FZD5: variants seen among roughly 807,000 people sequenced by gnomAD.
FZD5 encodes the protein frizzled-5.
In FZD5, 12 loss-of-function variants were observed where a neutral mutation model predicts 40.8. The observed-to-expected ratio is 0.29, with a 90% confidence interval of 0.19 to 0.48. The LOEUF (loss-of-function observed/expected upper bound fraction) is 0.48, where lower values mean the gene tolerates loss of function less well. Ranked by LOEUF, FZD5 falls within the 20% of genes least tolerant of loss-of-function variation. FZD5 has a pLI of 0.99. For synonymous variants in FZD5, 380 were observed against 383.7 expected (o/e 0.99, Z 0.11); for missense variants, 622 against 832.8 (o/e 0.75, Z 3.12).
rs770101168 is a variant in FZD5 at position 207,766,951 on chromosome 2, C to T, written c.*31G>A. The T allele has an allele frequency of 2.1e-6, 3 of 1,431,518 alleles. No homozygotes were observed. In the African/African-American group the frequency reaches 4.5e-5, roughly 21 times the overall value. 88.7% of individuals were successfully genotyped at this position (1,431,518 alleles called of 1,614,324 possible). A position where few individuals can be genotyped will look rare whatever the true frequency, so the allele number is the denominator to read the frequency against. On this transcript the variant is annotated 3_prime_UTR_variant, in exon 2 of 2. Coordinates refer to ENST00000295417, the MANE Select transcript of FZD5 (RefSeq NM_003468.4). Reference sequence around the variant, plus strand: ...AAACAAAACGCCCCCCTCCCCTCAGCTCTCCGGCCGAGTCCCTCGGCGGCA... The same window carrying T: ...AAACAAAACGCCCCCCTCCCCTCAGTTCTCCGGCCGAGTCCCTCGGCGGCA...
rs1031466169 is a variant in FZD5 at position 207,763,881 on chromosome 2, C to T, written c.*3101G>A. 2.0e-5 allele frequency: 3 copies of T among 152,636 alleles called. No individual in the cohort carries two copies. The highest frequency in any genetic ancestry group is 7.2e-5 in the African/African-American group (3 of 41,446). 9.5% of individuals were successfully genotyped at this position (152,636 alleles called of 1,614,324 possible). A position where few individuals can be genotyped will look rare whatever the true frequency, so the allele number is the denominator to read the frequency against. ...CAGTGCTGTCGGCACGTTATTTAAG[C>T]TTGTACATGCCCACAATTACACACA... On this transcript the variant is annotated 3_prime_UTR_variant, in exon 2 of 2. Coordinates refer to ENST00000295417, the MANE Select transcript of FZD5 (RefSeq NM_003468.4).
At chr2:207,769,073 T>G in intron 1 of FZD5, 79 bp from the exon 2 acceptor site, 7 of 336,256 alleles carry the variant, frequency 2.1e-5, no homozygotes, top group East Asian at 6.0e-5. Flanking sequence ...CCCCGCGAGC[T>G]GTCTCCAAAT....
rs2091963830 is a variant in FZD5, at chr2:207,763,276, C to T, written c.*3706G>A. 6.6e-6 allele frequency: 1 copy of T among 152,556 alleles called. No individual in the cohort carries two copies. Among genetic ancestry groups the T allele is most frequent in the Non-Finnish European group, 1.5e-5 (1 of 68,024 alleles). 9.5% of individuals were successfully genotyped at this position (152,556 alleles called of 1,614,324 possible). Reference sequence around the variant, plus strand: ...AGTCATACTGTCTTAAAATGATGCACTCACAGACAGACACTATCCTGGCTG... The same window carrying T: ...AGTCATACTGTCTTAAAATGATGCATTCACAGACAGACACTATCCTGGCTG... On this transcript the variant is annotated 3_prime_UTR_variant, in exon 2 of 2. Coordinates refer to ENST00000295417, the MANE Select transcript of FZD5 (RefSeq NM_003468.4).
rs1315452523 is a variant in FZD5 at position 207,764,508 on chromosome 2, CAAAG to C, written c.*2470_*2473del. 6.6e-6 allele frequency: 1 copy of C among 152,138 alleles called. No individual in the cohort carries two copies. Among genetic ancestry groups the C allele is most frequent in the African/African-American group, 2.4e-5 (1 of 41,410 alleles). The allele number at this position is 152,138 out of a possible 1,614,324, so 9.4% of individuals were successfully genotyped here. A position where few individuals can be genotyped will look rare whatever the true frequency, so the allele number is the denominator to read the frequency against. ...GGGACAGCAGAGGTGAGAACAGAGA[CAAAG>C]AAGTGCTTCTGAAAGTTGGTCTGGA... On this transcript the variant is annotated 3_prime_UTR_variant, in exon 2 of 2. Transcript: ENST00000295417.
In FZD5 at chr2:207,767,669, C is replaced by T; in HGVS notation, c.1071G>A (p.Ala357=). Residue 357 remains alanine (A), a synonymous_variant, in exon 2 of 2, where the codon GCG becomes GCA. Coordinates refer to ENST00000295417, the MANE Select transcript of FZD5 (RefSeq NM_003468.4). ...KWGNEAIAGY[A]QYFHLAAWLI... is the part of the protein sequence containing the mutation. ...GCCACGCAGCCAGGTGGAAGTACTG[C>T]GCGTAGCCCGCGATGGCCTCGTTGC... The T allele has an allele frequency of 6.2e-7, 1 of 1,613,310 alleles. No homozygotes were observed. Among genetic ancestry groups the T allele is most frequent in the Non-Finnish European group, 8.5e-7 (1 of 1,179,676 alleles).
At position 207,769,669 on chromosome 2, in the gene FZD5, G is replaced by T. The variant is rs2092001551; in HGVS notation, c.-660C>A. 1 of 152,052 alleles carries T rather than the reference G, an allele frequency of 6.6e-6. No homozygotes were observed. The highest frequency in any genetic ancestry group is 2.4e-5 in the African/African-American group (1 of 41,412). 9.4% of individuals were successfully genotyped at this position (152,052 alleles called of 1,614,324 possible). On this transcript the variant is annotated 5_prime_UTR_variant, in exon 1 of 2. Coordinates refer to ENST00000295417, the MANE Select transcript of FZD5 (RefSeq NM_003468.4). ...ACAGCACCGCGAGCAGCCGGCGCTG[G>T]CCAGGCCGGGACTGCATGGTGAGCG...
rs995450797 is a variant in FZD5 at position 207,766,072 on chromosome 2, A to T, written c.*910T>A. The T allele has an allele frequency of 1.8e-4, 15 of 85,014 alleles. No individual in the cohort carries two copies. Among genetic ancestry groups the T allele is most frequent in the East Asian group, 1.4e-3 (4 of 2,856 alleles). The allele number at this position is 85,014 out of a possible 1,614,324, so 5.3% of individuals were successfully genotyped here. ...ACCAAAATTATAACACAAGTTCCTTAAAAAAAAAAAAAAAAAAAAAAAAAG... is the reference window on the plus strand; with the variant it reads ...ACCAAAATTATAACACAAGTTCCTTTAAAAAAAAAAAAAAAAAAAAAAAAG... On this transcript the variant is annotated 3_prime_UTR_variant, in exon 2 of 2. Transcript: ENST00000295417.
chr2:207,767,636 G>A lies in FZD5; in HGVS notation c.1104C>T (p.Pro368=). 6.2e-7 allele frequency: 1 copy of A among 1,613,142 alleles called. No homozygotes were observed. Among genetic ancestry groups the A allele is most frequent in the Non-Finnish European group, 8.5e-7 (1 of 1,179,716 alleles). The change falls in exon 2 of 2, where the codon CCC becomes CCT. Residue 368 remains proline (P), a synonymous_variant. Coordinates refer to ENST00000295417, the MANE Select transcript of FZD5 (RefSeq NM_003468.4). ...QYFHLAAWLI[P]SVKSITALAL... is the part of the protein sequence containing the mutation. ...CCAGTGCCGTGATGGACTTGACGCTGGGGATGAGCCACGCAGCCAGGTGGA... is the reference window on the plus strand; with the variant it reads ...CCAGTGCCGTGATGGACTTGACGCTAGGGATGAGCCACGCAGCCAGGTGGA...
chr2:207,766,444 C>T lies in FZD5; in HGVS notation c.*538G>A, dbSNP rs1406056656. The T allele has an allele frequency of 1.3e-5, 2 of 152,694 alleles. No individual in the cohort carries two copies. The highest frequency in any genetic ancestry group is 1.9e-4 in the East Asian group (1 of 5,202). 9.5% of individuals were successfully genotyped at this position (152,694 alleles called of 1,614,324 possible). ...AGGTATGACCTGGGGCTATAAACTG[C>T]AGCTCACCTTAAAGAATCATGGACA... On this transcript the variant is annotated 3_prime_UTR_variant, in exon 2 of 2. Coordinates refer to ENST00000295417, the MANE Select transcript of FZD5 (RefSeq NM_003468.4).
chr2:207,762,803 A>T lies in FZD5; in HGVS notation c.*4179T>A, dbSNP rs139174009. On this transcript the variant is annotated 3_prime_UTR_variant, in exon 2 of 2. Transcript: ENST00000295417. ...AGGTCAACAAATTAAGTATCTTGAGACTAACATAACCACATACAACTGCTG... is the reference window on the plus strand; with the variant it reads ...AGGTCAACAAATTAAGTATCTTGAGTCTAACATAACCACATACAACTGCTG... 1 of 152,762 alleles carries T rather than the reference A, an allele frequency of 6.5e-6. No individual in the cohort carries two copies. Among genetic ancestry groups the T allele is most frequent in the Non-Finnish European group, 1.5e-5 (1 of 68,032 alleles). 9.5% of individuals were successfully genotyped at this position (152,762 alleles called of 1,614,324 possible).
chr2:207,767,427 G>C lies in FZD5; in HGVS notation c.1313C>G (p.Thr438Ser), dbSNP rs1421855578. 2 of 1,612,672 alleles carry C rather than the reference G, an allele frequency of 1.2e-6. No individual in the cohort carries two copies. The highest frequency in any genetic ancestry group is 1.1e-5 in the South Asian group (1 of 91,090). Residue 438 changes from threonine (T) to serine (S), a missense_variant, in exon 2 of 2, where the codon ACC (threonine) becomes AGC (serine). By Grantham distance (58) the Thr-to-Ser change is moderately conservative (BLOSUM62 1). Coordinates refer to ENST00000295417, the MANE Select transcript of FZD5 (RefSeq NM_003468.4). Reference sequence around the variant, plus strand: ...GAGCTTCTCCAGCTTGTCCGTCTTGGTGCCGCCCTGCTTGATGACGCTGCG... The same window carrying C: ...GAGCTTCTCCAGCTTGTCCGTCTTGCTGCCGCCCTGCTTGATGACGCTGCG... ...RIRSVIKQGG[T>S]KTDKLEKLMI...
chr2:207,767,813 G>A lies in FZD5; in HGVS notation c.927C>T (p.Thr309=), dbSNP rs1275983138. 3 of 1,610,184 alleles carry A rather than the reference G, an allele frequency of 1.9e-6. No homozygotes were observed. The highest frequency in any genetic ancestry group is 1.3e-5 in the African/African-American group (1 of 74,944). ...SREHNHIHYE[T]TGPALCTIVF... is the part of the protein sequence containing the mutation. ...CGATGGTGCACAGTGCAGGGCCCGT[G>A]GTCTCGTAGTGGATGTGGTTGTGCT... Residue 309 remains threonine (T), a synonymous_variant, in exon 2 of 2, where the codon ACC becomes ACT. Transcript: ENST00000295417.
In FZD5 at chr2:207,768,866, T is replaced by A; in HGVS notation, c.-127A>T. The stretch of plus-strand genomic sequence containing the variant: ...GGGGCTGGCAACCTGTTGGTTGCTT[T>A]TTCCTTTAAAGAAAACCGTCCAAAG... On this transcript the variant is annotated 5_prime_UTR_variant, in exon 2 of 2. Coordinates refer to ENST00000295417, the MANE Select transcript of FZD5 (RefSeq NM_003468.4). 1.3e-6 allele frequency: 1 copy of A among 763,988 alleles called. No homozygotes were observed. Among genetic ancestry groups the A allele is most frequent in the Non-Finnish European group, 2.1e-6 (1 of 477,904 alleles). The allele number at this position is 763,988 out of a possible 1,614,324, so 47.3% of individuals were successfully genotyped here. A position where few individuals can be genotyped will look rare whatever the true frequency, so the allele number is the denominator to read the frequency against.
At position 207,766,961 on chromosome 2, in the gene FZD5, G is replaced by C. The variant is rs989209733; in HGVS notation, c.*21C>G. ...CCCCCCTCCCCTCAGCTCTCCGGCC[G>C]AGTCCCTCGGCGGCAGCCTCCTACA... is the stretch of plus-strand genomic sequence containing the variant. On this transcript the variant is annotated 3_prime_UTR_variant, in exon 2 of 2. Coordinates refer to ENST00000295417, the MANE Select transcript of FZD5 (RefSeq NM_003468.4). 2.8e-6 allele frequency: 4 copies of C among 1,440,602 alleles called. No homozygotes were observed. The African/African-American group carries it at 4.5e-5, about 16-fold the overall frequency. The allele number at this position is 1,440,602 out of a possible 1,614,324, so 89.2% of individuals were successfully genotyped here.
At position 207,768,908 on chromosome 2, in the gene FZD5, A is replaced by G. The variant is rs2091996651; in HGVS notation, c.-169T>C. 4.9e-6 allele frequency: 3 copies of G among 613,902 alleles called. No individual in the cohort carries two copies. Among genetic ancestry groups the G allele is most frequent in the East Asian group, 5.9e-5 (2 of 33,758 alleles). The allele number at this position is 613,902 out of a possible 1,614,324, so 38.0% of individuals were successfully genotyped here. A position where few individuals can be genotyped will look rare whatever the true frequency, so the allele number is the denominator to read the frequency against. ...CGTCCAAAGATAAACTGCTTCGGGA[A>G]GGCGCTGCCTCCGCTGGCAGCGCTC... On this transcript the variant is annotated 5_prime_UTR_variant, in exon 2 of 2. Coordinates refer to ENST00000295417, the MANE Select transcript of FZD5 (RefSeq NM_003468.4).
Position 207,765,858 on chromosome 2 carries a change from G to A in FZD5, c.*1124C>T, listed in dbSNP as rs2091976542. The A allele has an allele frequency of 6.6e-6, 1 of 151,574 alleles. No homozygotes were observed. The allele number at this position is 151,574 out of a possible 1,614,324, so 9.4% of individuals were successfully genotyped here. On this transcript the variant is annotated 3_prime_UTR_variant, in exon 2 of 2. Transcript: ENST00000295417. Reference sequence around the variant, plus strand: ...CTAATCACAGCTCTCCAGGAGAGGAGGAATAAGAAAAGCAAAAAGGCTGTT... The same window carrying A: ...CTAATCACAGCTCTCCAGGAGAGGAAGAATAAGAAAAGCAAAAAGGCTGTT...
At position 207,768,320 on chromosome 2, in the gene FZD5, G is replaced by A. The variant is rs989590734; in HGVS notation, c.420C>T (p.Gly140=). The change falls in exon 2 of 2, where the codon GGC becomes GGT. Residue 140 remains glycine (G), a synonymous_variant. Transcript: ENST00000295417. Reference sequence around the variant, plus strand: ...CCATGCAGAGGACCTCGGCGTCGCGGCCCAGCACCGGGAGGCGGTCGCAGC... The same window carrying A: ...CCATGCAGAGGACCTCGGCGTCGCGACCCAGCACCGGGAGGCGGTCGCAGC... ...RMSCDRLPVL[G]RDAEVLCMDY... The A allele has an allele frequency of 1.0e-5, 16 of 1,546,742 alleles. No individual in the cohort carries two copies. The African/African-American group carries it at 1.9e-4, about 18-fold the overall frequency.
Position 207,768,068 on chromosome 2 carries a change from C to T in FZD5, c.672G>A (p.Gln224=). Residue 224 remains glutamine (Q), a synonymous_variant, in exon 2 of 2, where the codon CAG becomes CAA. Transcript: ENST00000295417. Reference sequence around the variant, plus strand: ...TGCGCTCGTCGGCACTGAAGGACGGCTGGTAGCAGGGTACCGCGCAGTTGG... The same window carrying T: ...TGCGCTCGTCGGCACTGAAGGACGGTTGGTAGCAGGGTACCGCGCAGTTGG... The part of the protein sequence containing the change: ...QVPNCAVPCY[Q]PSFSADERTF... 6.2e-7 allele frequency: 1 copy of T among 1,613,126 alleles called. No individual in the cohort carries two copies. Among genetic ancestry groups the T allele is most frequent in the South Asian group, 1.1e-5 (1 of 90,858 alleles).
rs1559179584 is a variant in FZD5 at position 207,767,081 on chromosome 2, T to A, written c.1659A>T (p.Ala553=). 6 of 1,593,138 alleles carry A rather than the reference T, an allele frequency of 3.8e-6. No individual in the cohort carries two copies. The East Asian group carries it at 1.1e-4, about 30-fold the overall frequency. ...RGHKSGGAMA[A]GDYPEASAAL... ...CGGCGCTCGCCTCGGGGTAGTCCCCTGCGGCCATGGCGCCCCCGCTCTTGT... is the reference window on the plus strand; with the variant it reads ...CGGCGCTCGCCTCGGGGTAGTCCCCAGCGGCCATGGCGCCCCCGCTCTTGT... Residue 553 remains alanine, a synonymous_variant, in exon 2 of 2, where the codon GCA becomes GCT. Coordinates refer to ENST00000295417, the MANE Select transcript of FZD5 (RefSeq NM_003468.4).
Sources: allele counts gnomAD v4.1 joint callset, GRCh38; gene constraint gnomAD v4.1.1; transcripts MANE v1.5; gene names NCBI Gene and HGNC (gene_info 2026-07-23, HGNC 2026-07-21).